The following PCDH10 variants were observed in gnomAD, a reference collection of about 807,000 sequenced individuals.
PCDH10 encodes protocadherin 10.
A neutral mutation model predicts 74.4 loss-of-function variants in PCDH10; 15 were observed. The ratio of observed to expected loss-of-function variants is 0.20; its 90% CI spans 0.13 to 0.31. The LOEUF is 0.31. PCDH10 is among the 10% of genes least tolerant of loss of function. The probability of loss-of-function intolerance (pLI) is 1.00; values close to 1 mark genes in which losing one functional copy is unlikely to be tolerated. For missense variants in PCDH10, 1,260 were observed against 1,390.2 expected (o/e 0.91, Z 1.49); for synonymous variants, 619 against 589.8 (o/e 1.05, Z -0.72).
chr4:133,206,231 A>G (rs1728002035), intron 2 of PCDH10, among the ~76,000 whole-genome samples: 1 of 152,144 alleles, frequency 6.6e-6, no homozygotes, highest in African/African-American at 2.4e-5. Context: ...GGAAAAAAAA[A>G]TCTAGACGAC....
downstream of PCDH10, among the ~76,000 whole-genome samples, chr4:133,196,659 G>T (rs1169858254): frequency 1.3e-5 from 2 of 152,140 alleles, no homozygotes; most frequent in Non-Finnish European, 2.9e-5. Context: ...GGTTTGTTTT[G>T]GGAAAGGGCT....
At chr4:133,170,792 G>GACC (rs1560710421) in intron 4 of PCDH10, among the ~76,000 whole-genome samples, 9 of 151,754 alleles carry the variant, frequency 5.9e-5, no homozygotes, top group Admixed American at 2.6e-4. Flanking sequence ...TCCCGGGTTC[G>GACC]AGCGATTTTC....
rs974216798 is a variant in PCDH10 at position 133,191,861 on chromosome 4, A to G, written c.*1701A>G. On this transcript the variant is annotated 3_prime_UTR_variant, in exon 5 of 5. Transcript: ENST00000264360. ...ACAGTTTGAGCTGCACTGTGTTATT[A>G]AAGAATAGACTAAAACTTAACATTT... 1 of 151,584 alleles carries G rather than the reference A, an allele frequency of 6.6e-6. No individual in the cohort carries two copies. The highest frequency in any genetic ancestry group is 1.5e-5 in the Non-Finnish European group (1 of 67,702). The allele number at this position is 151,584 out of a possible 1,614,324, so 9.4% of individuals were successfully genotyped here.
chr4:133,185,548 G>A (rs549818614), intron 4 of PCDH10, among the ~76,000 whole-genome samples: 187 of 152,228 alleles, frequency 1.2e-3, no homozygotes, highest in Non-Finnish European at 1.9e-3. Context: ...TACATAGAGC[G>A]GAGAGCAGAT....
chr4:133,154,460 AT>A lies in PCDH10; in HGVS notation c.2690+96del, dbSNP rs1726819345. 4.4e-6 allele frequency: 3 copies of A among 681,782 alleles called. No homozygotes were observed. In the Admixed American group the frequency reaches 9.6e-5, roughly 22 times the overall value. The allele number at this position is 681,782 out of a possible 1,614,324, so 42.2% of individuals were successfully genotyped here. A position where few individuals can be genotyped will look rare whatever the true frequency, so the allele number is the denominator to read the frequency against. ...TTATTCTAAATTAAAATTGAAATGT[AT>A]AAAATATTTTCAATTAAGGCAGGAC... On this transcript the variant is annotated intron_variant, in intron 2 of 4. Transcript: ENST00000264360.
At chr4:133,164,251 G>T (rs1158620559) in intron 4 of PCDH10, among the ~76,000 whole-genome samples, 1 of 151,948 alleles carries the variant, frequency 6.6e-6, no homozygotes, top group Non-Finnish European at 1.5e-5. Context: ...ATGCAATTTG[G>T]ATGCTAATGT....
chr4:133,152,448 T>C lies in PCDH10; in HGVS notation c.2308T>C (p.Cys770Arg), dbSNP rs763572989. 1 of 1,614,104 alleles carries C rather than the reference T, an allele frequency of 6.2e-7. No individual in the cohort carries two copies. The highest frequency in any genetic ancestry group is 8.5e-7 in the Non-Finnish European group (1 of 1,180,026). ...CCCCGGGGST[C>R]CGRQARARKK... ...CTGCTGCGGTGGCGGAGGTTCGACC[T>C]GCTGTGGCCGCCAAGCCCGGGCGCG... is the stretch of plus-strand genomic sequence containing the variant. Residue 770 changes from cysteine to arginine, a missense_variant, in exon 1 of 5, where the codon TGC becomes CGC. By Grantham distance (180) the Cys-to-Arg change is radical. Around this residue, in one of 11 missense-constraint regions of PCDH10, gnomAD observed 587 missense variants for 616.9 expected, o/e 0.95. Transcript: ENST00000264360.
At chr4:133,155,074 T>C (rs1007838326) in intron 3 of PCDH10, 51 bp downstream of exon 3, 3 of 1,284,118 alleles carry the variant, frequency 2.3e-6, no homozygotes, top group Non-Finnish European at 3.4e-6. Flanking sequence ...AGTTTTTGTT[T>C]TTAAAAATAA....
intron 4 of PCDH10, among the ~76,000 whole-genome samples, chr4:133,169,098 C>T (rs2125865725): frequency 6.6e-6 from 1 of 151,742 alleles, no homozygotes; most frequent in Non-Finnish European, 1.5e-5. Flanking sequence ...TTTCATATTT[C>T]TTAACCCTTT....
At chr4:133,174,303 T>C (rs887155430) in intron 4 of PCDH10, among the ~76,000 whole-genome samples, 5 of 151,894 alleles carry the variant, frequency 3.3e-5, no homozygotes, top group Non-Finnish European at 7.4e-5. Flanking sequence ...CTATCTGGAG[T>C]TGATATTTGG....
At position 133,152,393 on chromosome 4, in the gene PCDH10, T is replaced by C; in HGVS notation, c.2253T>C (p.Cys751=). Residue 751 remains cysteine, a synonymous_variant, in exon 1 of 5, where the codon TGT becomes TGC. Transcript: ENST00000264360. ...QKEKKLNIYT[C]LASDCCLCCC... The stretch of plus-strand genomic sequence containing the variant: ...AGAAGAAGCTCAACATCTATACTTG[T>C]CTGGCCAGCGATTGCTGCCTCTGCT... The C allele has an allele frequency of 1.9e-6, 3 of 1,614,156 alleles. No individual in the cohort carries two copies. Among genetic ancestry groups the C allele is most frequent in the Non-Finnish European group, 2.5e-6 (3 of 1,180,026 alleles).
intron 4 of PCDH10, among the ~76,000 whole-genome samples, chr4:133,184,734 T>G (rs1727498105): frequency 7.0e-6 from 1 of 143,168 alleles, no homozygotes; most frequent in Non-Finnish European, 1.5e-5. Context: ...TATATTTATA[T>G]ATTATATATA....
intron 4 of PCDH10, among the ~76,000 whole-genome samples, chr4:133,187,590 G>C (rs1480443034): frequency 1.3e-5 from 2 of 151,950 alleles, no homozygotes; most frequent in Non-Finnish European, 2.9e-5. Flanking sequence ...CTGCATTACT[G>C]AATTAACACA....
rs942720771 is a variant in PCDH10 at position 133,191,707 on chromosome 4, G to A, written c.*1547G>A. The A allele has an allele frequency of 2.0e-5, 3 of 151,292 alleles. No individual in the cohort carries two copies. The highest frequency in any genetic ancestry group is 4.8e-5 in the African/African-American group (2 of 41,260). 9.4% of individuals were successfully genotyped at this position (151,292 alleles called of 1,614,324 possible). A position where few individuals can be genotyped will look rare whatever the true frequency, so the allele number is the denominator to read the frequency against. ...AAACAGAATTGTCACAGCTCCCCTC[G>A]CCCTCTAAACTATGATATCAAAACA... On this transcript the variant is annotated 3_prime_UTR_variant, in exon 5 of 5. Coordinates refer to ENST00000264360, the MANE Select transcript of PCDH10 (RefSeq NM_032961.3).
intron 1 of PCDH10, chr4:133,153,139 GT>G: frequency 8.2e-7 from 1 of 1,214,910 alleles, no homozygotes; most frequent in Non-Finnish European, 1.0e-6. Context: ...ACTGGCAAAG[GT>G]CTTTTTTCTT....
At position 133,207,919 on chromosome 4, in the gene PCDH10, C is replaced by T. The variant is rs112653188; in HGVS notation, n.438-157C>T. Among the ~76,000 whole-genome samples the T allele has an allele frequency of 8.3e-3, 1,261 of 152,160 alleles. 14 individuals are homozygous for T. The highest frequency in any genetic ancestry group is 0.012 in the Non-Finnish European group (819 of 67,990). ...TTGACAGCCTTGAGTAATACCTCTC[C>T]CCTGAATGTAGGTGGGATTAGTAAA... On this transcript the variant is annotated intron_variant and non_coding_transcript_variant, in intron 2 of 2. Transcript: ENST00000511112.
intron 4 of PCDH10, among the ~76,000 whole-genome samples, chr4:133,167,292 T>C (rs1578565986): frequency 6.6e-6 from 1 of 151,724 alleles, no homozygotes; most frequent in Non-Finnish European, 1.5e-5. Context: ...GAACATGTTT[T>C]GTTTAGTAAC....
chr4:133,184,725 A>G (rs915998781), intron 4 of PCDH10, among the ~76,000 whole-genome samples: 1 of 144,490 alleles, frequency 6.9e-6, no homozygotes, highest in Non-Finnish European at 1.5e-5. Context: ...TTGTTTACAT[A>G]TATTTATATA....
intron 2 of PCDH10, among the ~76,000 whole-genome samples, chr4:133,206,857 G>A (rs1423048829): frequency 1.3e-5 from 2 of 152,092 alleles, no homozygotes; most frequent in African/African-American, 4.8e-5. Context: ...TTACATTATT[G>A]AGAGTTTGAA....
Sources: gnomAD v4.1 joint callset for allele counts (sites outside exome capture counted in the v4.1 genomes callset) on GRCh38, gnomAD v4.1.1 for gene constraint, gnomAD v4.1.1 regional missense constraint, MANE v1.5 for transcripts, NCBI Gene and HGNC (gene_info 2026-07-23, HGNC 2026-07-21) for gene names.